The following TRIM37 variants were observed in gnomAD, a reference collection of about 807,000 sequenced individuals.
The protein encoded by TRIM37 is tripartite motif containing 37.
In TRIM37, 80 loss-of-function variants were observed where a neutral mutation model predicts 129.8. That is an observed-to-expected ratio of 0.62 (90% CI 0.51 to 0.74). TRIM37 has a LOEUF of 0.74. TRIM37 is among the 30% of genes least tolerant of loss of function. The pLI is 0.00. For missense variants in TRIM37, 1,054 were observed against 1,176.5 expected (o/e 0.90, Z 1.52); for synonymous variants, 389 against 387.1 (o/e 1.00, Z -0.06).
chr17:58,992,690 T>A (rs2032573792), intron 24 of TRIM37, among the ~76,000 whole-genome samples: 1 of 152,112 alleles, frequency 6.6e-6, no homozygotes. Context: ...GGTGTCCAGA[T>A]TTTTTACTGG....
intron 18 of TRIM37, 108 bp from the exon 19 acceptor site, chr17:59,028,831 A>G: frequency 8.8e-7 from 1 of 1,142,168 alleles, no homozygotes. Flanking sequence ...AGCGTGCTTT[A>G]CGTGGTATCA....
intron 16 of TRIM37, among the ~76,000 whole-genome samples, chr17:59,042,449 A>AAAAAAAAAAAAAAAATAT (rs1555661494): frequency 2.8e-5 from 1 of 36,062 alleles, no homozygotes; most frequent in African/African-American, 1.1e-4. Context: ...AAAAAAAAAA[A>AAAAAAAAAAAAAAAATAT]ATATATATAT....
chr17:59,063,168 C>T (rs1475793328), intron 10 of TRIM37, among the ~76,000 whole-genome samples: 13 of 141,270 alleles, frequency 9.2e-5, no homozygotes, highest in Non-Finnish European at 1.9e-4. Flanking sequence ...TTCTGTGTGG[C>T]TTTTTTTTTT....
intron 22 of TRIM37, among the ~76,000 whole-genome samples, chr17:59,003,922 T>TA (rs60843441): frequency 0.46 from 41,395 of 89,620 alleles, 7,845 homozygotes; most frequent in Middle Eastern, 0.54. Context: ...CCCATCTCTA[T>TA]AAAAAAAAAA....
At chr17:59,040,843 A>G (rs28602902) in intron 17 of TRIM37, among the ~76,000 whole-genome samples, 93,206 of 151,052 alleles carry the variant, frequency 0.62, 28,906 homozygotes, top group East Asian at 0.7. Context: ...TCAGGAGATC[A>G]AGACCATCCT....
chr17:59,022,909 C>T (rs905013935), intron 19 of TRIM37, among the ~76,000 whole-genome samples: 3 of 152,090 alleles, frequency 2.0e-5, no homozygotes, highest in African/African-American at 7.2e-5. Context: ...GCCTTTGTTA[C>T]ATATTTTGCA....
chr17:58,980,347 T>G (rs763026756), downstream of TRIM37: 4 of 1,614,164 alleles, frequency 2.5e-6, no homozygotes, highest in South Asian at 4.4e-5. The surrounding 1 kb of genome is among the most constrained non-coding windows in gnomAD (Gnocchi z 4.7). Context: ...GCAAACGCCC[T>G]TGGCCTCAGC....
In TRIM37 at chr17:59,028,623, G is replaced by A. The variant is rs35871562; in HGVS notation, c.2049C>T (p.Ala683=). The A allele has an allele frequency of 4.5e-4, 732 of 1,614,100 alleles. 6 individuals carry two copies. In the African/African-American group the frequency reaches 8.1e-3, roughly 18 times the overall value. The change falls in exon 19 of 24, where the codon GCC becomes GCT. Residue 683 remains alanine (A), a synonymous_variant. Transcript: ENST00000262294. ...KMLKRLKTQM[A]EVRCMKTDVK... ...CATCAGTTTTCATACATCGAACTTCGGCCATTTGAGTTTTGAGTCTTTTTA... is the reference window on the plus strand; with the variant it reads ...CATCAGTTTTCATACATCGAACTTCAGCCATTTGAGTTTTGAGTCTTTTTA...
intron 15 of TRIM37, among the ~76,000 whole-genome samples, chr17:59,048,336 G>C (rs969928195): frequency 1.9e-4 from 29 of 152,146 alleles, no homozygotes; most frequent in African/African-American, 6.5e-4. Flanking sequence ...CACTTAATCT[G>C]TGCATTCTCT....
At chr17:59,041,360 A>G (rs1288908070) in intron 17 of TRIM37, among the ~76,000 whole-genome samples, 1 of 152,194 alleles carries the variant, frequency 6.6e-6, no homozygotes, top group African/African-American at 2.4e-5. Flanking sequence ...GATCCTTCGT[A>G]AGTCTAAGAG....
At chr17:59,078,024 C>A (rs1236604371) in intron 7 of TRIM37, among the ~76,000 whole-genome samples, 1 of 151,738 alleles carries the variant, frequency 6.6e-6, no homozygotes, top group Non-Finnish European at 1.5e-5. Context: ...ACTCAGGAGG[C>A]TGAGGCAGGA....
chr17:59,103,586 C>T lies in TRIM37; in HGVS notation c.123+707G>A, dbSNP rs370165538. Among the ~76,000 whole-genome samples, 53 of 149,588 alleles carry T rather than the reference C, an allele frequency of 3.5e-4. 1 individual carries two copies. The East Asian group carries it at 9.8e-3, about 28-fold the overall frequency. On this transcript the variant is annotated intron_variant, in intron 2 of 23. Transcript: ENST00000262294. ...CGAACTCCTGACACCATGATCCACC[C>T]GCCTCGGCCTCCCAAAGTGCTGGGA...
chr17:59,082,975 C>T (rs977136313), intron 5 of TRIM37, among the ~76,000 whole-genome samples: 4 of 152,172 alleles, frequency 2.6e-5, no homozygotes, highest in African/African-American at 7.2e-5. Flanking sequence ...CCACTCTCTC[C>T]GTAAAACATA....
intron 8 of TRIM37, 102 bp downstream of exon 8, chr17:59,075,545 C>G (rs1400216539): frequency 2.6e-6 from 2 of 774,780 alleles, no homozygotes; most frequent in African/African-American, 2.3e-5. Flanking sequence ...GCCTGGGCGA[C>G]AGAGAGAGAC....
chr17:59,104,821 A>G (rs2045842561), intron 1 of TRIM37, among the ~76,000 whole-genome samples: 1 of 152,074 alleles, frequency 6.6e-6, no homozygotes, highest in Non-Finnish European at 1.5e-5. Context: ...CCCAGGCATG[A>G]TGGTTCATTA....
At chr17:58,994,576 G>A (rs1427881496), downstream of TRIM37, among the ~76,000 whole-genome samples, 2 of 152,026 alleles carry the variant, frequency 1.3e-5, no homozygotes, top group East Asian at 1.9e-4. Flanking sequence ...GAATGAGACC[G>A]TCTCAAAACC....
intron 2 of TRIM37, among the ~76,000 whole-genome samples, chr17:59,092,250 A>G (rs535349022): frequency 6.9e-4 from 105 of 151,950 alleles, no homozygotes; most frequent in African/African-American, 2.5e-3. Flanking sequence ...AAAATTAGCC[A>G]GGCATGGTGA....
At chr17:59,105,492 G>A (rs182762198) in intron 1 of TRIM37, among the ~76,000 whole-genome samples, 3 of 152,152 alleles carry the variant, frequency 2.0e-5, no homozygotes, top group Non-Finnish European at 4.4e-5. Flanking sequence ...ACAAGAAAAA[G>A]GATACAATTA....
At chr17:59,072,737 G>C (rs1022043705) in intron 8 of TRIM37, among the ~76,000 whole-genome samples, 3 of 142,090 alleles carry the variant, frequency 2.1e-5, no homozygotes, top group African/African-American at 7.8e-5. Context: ...GACAAGGCAA[G>C]ACTCTGTCTC....
Sources: gnomAD v4.1 joint callset for allele counts (sites outside exome capture counted in the v4.1 genomes callset) on GRCh38, gnomAD v4.1.1 for gene constraint, Gnocchi (gnomAD v3.1) non-coding constraint, MANE v1.5 for transcripts, NCBI Gene and HGNC (gene_info 2026-07-23, HGNC 2026-07-21) for gene names.